The following ATF7IP2 variants were observed in gnomAD, a reference collection of about 807,000 sequenced individuals.
The protein encoded by ATF7IP2 is activating transcription factor 7-interacting protein 2.
ATF7IP2 carries 42 observed loss-of-function variants against 64.2 expected under a neutral mutation model. The observed-to-expected ratio is 0.65, with a 90% CI of 0.51 to 0.85. ATF7IP2 has a LOEUF of 0.85. Among genes scored for constraint, ATF7IP2 ranks in the 40% least tolerant of loss-of-function variants. ATF7IP2 has a pLI of 0.00. For synonymous variants in ATF7IP2, 308 were observed against 272.8 expected, an observed-to-expected ratio of 1.13 and a Z score of -1.27; for missense variants, 933 against 784.2, an observed-to-expected ratio of 1.19 and a Z score of -2.27.
intron 1 of ATF7IP2, among the ~76,000 whole-genome samples, chr16:10,398,316 A>T (rs7499844): frequency 6.8e-6 from 1 of 146,726 alleles, no homozygotes; most frequent in African/African-American, 2.7e-5. Flanking sequence ...AAAAAAAAAA[A>T]TAATAATAAA....
chr16:10,433,266 C>T (rs1567455279), intron 5 of ATF7IP2, among the ~76,000 whole-genome samples: 5 of 152,118 alleles, frequency 3.3e-5, no homozygotes. Flanking sequence ...ACCTCAACCT[C>T]CCAGCCTCAA....
chr16:10,456,053 C>G (rs929493122), intron 8 of ATF7IP2, among the ~76,000 whole-genome samples: 1 of 151,758 alleles, frequency 6.6e-6, no homozygotes, highest in Non-Finnish European at 1.5e-5. Flanking sequence ...AATCTCGGCT[C>G]ACTGCAACAT....
chr16:10,418,554 A>G (rs1396253942), intron 2 of ATF7IP2, among the ~76,000 whole-genome samples: 1 of 152,230 alleles, frequency 6.6e-6, no homozygotes, highest in African/African-American at 2.4e-5. Context: ...ATCATCATTG[A>G]AATCACAGAG....
chr16:10,425,216 G>A lies in ATF7IP2; in HGVS notation c.-159-3652G>A, dbSNP rs1195974606. On this transcript the variant is annotated intron_variant, in intron 3 of 13. Transcript: ENST00000562102. ...TGGGTTTACAGGTGCCTACCACCAT[G>A]CCTGGCTAGTTTTTTTTTTTTTTTT... Among the ~76,000 whole-genome samples the A allele has an allele frequency of 2.7e-5, 4 of 149,238 alleles. No individual in the cohort carries two copies. The East Asian group carries it at 7.9e-4, about 30-fold the overall frequency.
chr16:10,457,899 G>A (rs543827041), intron 9 of ATF7IP2, among the ~76,000 whole-genome samples: 99 of 152,166 alleles, frequency 6.5e-4, no homozygotes, highest in Non-Finnish European at 1.3e-3. Context: ...TTTTGTAGAG[G>A]CAGGGCTTCA....
chr16:10,479,071 A>C (rs2050116614), intron 12 of ATF7IP2, among the ~76,000 whole-genome samples: 1 of 150,890 alleles, frequency 6.6e-6, no homozygotes, highest in Admixed American at 6.6e-5. Context: ...AACTAGTTCA[A>C]CCCTTGTGGA....
At chr16:10,479,495 C>A (rs1338510506) in intron 12 of ATF7IP2, among the ~76,000 whole-genome samples, 1 of 151,896 alleles carries the variant, frequency 6.6e-6, no homozygotes, top group Non-Finnish European at 1.5e-5. Flanking sequence ...ACACTGGGGC[C>A]TGTTGTAGGG....
At chr16:10,434,651 G>A (rs990309491) in intron 6 of ATF7IP2, among the ~76,000 whole-genome samples, 1 of 152,186 alleles carries the variant, frequency 6.6e-6, no homozygotes, top group African/African-American at 2.4e-5. Context: ...TAAAAAATAT[G>A]TAAGTGTTCT....
chr16:10,478,381 T>C (rs933078848), intron 12 of ATF7IP2, among the ~76,000 whole-genome samples: 8 of 152,016 alleles, frequency 5.3e-5, no homozygotes, highest in African/African-American at 1.7e-4. Context: ...TTTGACAAAC[T>C]TGAGAAACAC....
At chr16:10,396,424 T>C (rs1375794544) in intron 1 of ATF7IP2, among the ~76,000 whole-genome samples, 1 of 152,226 alleles carries the variant, frequency 6.6e-6, no homozygotes, top group Non-Finnish European at 1.5e-5. Context: ...TTCCCTATGC[T>C]GTCGGGGTCA....
In ATF7IP2 at chr16:10,457,283, G is replaced by A. The variant is rs2049202861; in HGVS notation, c.1195-89G>A. 9 of 1,159,162 alleles carry A rather than the reference G, an allele frequency of 7.8e-6. 1 individual carries two copies. The South Asian group carries it at 1.0e-4, about 14-fold the overall frequency. The allele number at this position is 1,159,162 out of a possible 1,614,324, so 71.8% of individuals were successfully genotyped here. A position where few individuals can be genotyped will look rare whatever the true frequency, so the allele number is the denominator to read the frequency against. ...TTAACTTATGTTTTGCCATATGTAT[G>A]CAAGAATACTTTGAAAATGCTAATT... On this transcript the variant is annotated intron_variant, in intron 8 of 13. Coordinates refer to ENST00000562102, the MANE Select transcript of ATF7IP2 (RefSeq NM_001393719.1).
chr16:10,402,239 A>T (rs2047549170), intron 1 of ATF7IP2, among the ~76,000 whole-genome samples: 1 of 152,002 alleles, frequency 6.6e-6, no homozygotes, highest in Admixed American at 6.6e-5. Flanking sequence ...CTCTCTAAGC[A>T]CTGCCTTTGC....
intron 1 of ATF7IP2, among the ~76,000 whole-genome samples, chr16:10,409,618 G>A (rs756352500): frequency 3.9e-5 from 6 of 152,000 alleles, no homozygotes; most frequent in Non-Finnish European, 7.4e-5. Context: ...ATAGAGACAG[G>A]GTTTCACGGC....
intron 1 of ATF7IP2, among the ~76,000 whole-genome samples, chr16:10,411,388 G>GTTGTTGTT (rs1555505619): frequency 2.7e-5 from 4 of 146,094 alleles, no homozygotes; most frequent in African/African-American, 1.0e-4. Flanking sequence ...TGTTGTTGTT[G>GTTGTTGTT]TTGTTTTGTT....
At chr16:10,415,111 G>A (rs2047845498) in intron 2 of ATF7IP2, among the ~76,000 whole-genome samples, 1 of 152,150 alleles carries the variant, frequency 6.6e-6, no homozygotes, top group Admixed American at 6.5e-5. Context: ...ATTCTTCACA[G>A]AAATAGAGAA....
intron 9 of ATF7IP2, among the ~76,000 whole-genome samples, chr16:10,463,194 T>G (rs1364080343): frequency 6.6e-6 from 1 of 152,228 alleles, no homozygotes; most frequent in Non-Finnish European, 1.5e-5. Flanking sequence ...GTTTGATTAC[T>G]GGATATTGTA....
intron 9 of ATF7IP2, among the ~76,000 whole-genome samples, chr16:10,471,029 C>G (rs532759192): frequency 4.6e-5 from 7 of 152,110 alleles, no homozygotes; most frequent in African/African-American, 1.4e-4. Context: ...CCAGTGGACA[C>G]ACTAGAGACT....
At chr16:10,392,740 G>A (rs1231841164) in intron 1 of ATF7IP2, among the ~76,000 whole-genome samples, 1 of 151,948 alleles carries the variant, frequency 6.6e-6, no homozygotes, top group Non-Finnish European at 1.5e-5. Flanking sequence ...TCTAATGTCA[G>A]CACTTTGGGA....
intron 1 of ATF7IP2, among the ~76,000 whole-genome samples, chr16:10,396,768 C>A (rs559627726): frequency 6.6e-6 from 1 of 151,948 alleles, no homozygotes; most frequent in African/African-American, 2.4e-5. Flanking sequence ...CCTGCTTCAG[C>A]TTGTCCCAGT....
Sources: gnomAD v4.1 joint callset for allele counts (sites outside exome capture counted in the v4.1 genomes callset) on GRCh38, gnomAD v4.1.1 for gene constraint, MANE v1.5 for transcripts, NCBI Gene and HGNC (gene_info 2026-07-23, HGNC 2026-07-21) for gene names.